The following PTPRN2 variants were observed in gnomAD, a reference collection of about 807,000 sequenced individuals.
PTPRN2 encodes protein tyrosine phosphatase receptor type N2.
Under a neutral mutation model 118.8 loss-of-function variants are expected in PTPRN2, and 74 were observed. The ratio of observed to expected loss-of-function variants is 0.62; its 90% CI spans 0.52 to 0.76. PTPRN2 has a LOEUF of 0.76. Among genes scored for constraint, PTPRN2 ranks in the 30% least tolerant of loss-of-function variants. The pLI, the probability that PTPRN2 is intolerant of heterozygous loss-of-function variation, is 0.00. For missense variants in PTPRN2, 1,481 were observed against 1,394.4 expected (o/e 1.06, Z -0.99); for synonymous variants, 641 against 608.0 (o/e 1.05, Z -0.80).
At chr7:158,304,381 T>C (rs1271479113) in intron 3 of PTPRN2, among the ~76,000 whole-genome samples, 2 of 146,740 alleles carry the variant, frequency 1.4e-5, no homozygotes, top group Non-Finnish European at 3.0e-5. Context: ...TAGGGAGGCA[T>C]AAGACATCCG....
intron 12 of PTPRN2, among the ~76,000 whole-genome samples, chr7:157,778,167 G>A (rs1195435430): frequency 1.3e-5 from 2 of 152,238 alleles, no homozygotes; most frequent in Non-Finnish European, 2.9e-5. Context: ...GCTAGGAAGT[G>A]AGGAAGGCAA....
At chr7:158,206,878 T>C (rs1190189225) in intron 3 of PTPRN2, among the ~76,000 whole-genome samples, 1 of 150,674 alleles carries the variant, frequency 6.6e-6, no homozygotes, top group African/African-American at 2.4e-5. Context: ...TACATACGTA[T>C]ACATGTGCCA....
At chr7:158,449,725 G>A (rs2129437856) in intron 2 of PTPRN2, among the ~76,000 whole-genome samples, 1 of 152,302 alleles carries the variant, frequency 6.6e-6, no homozygotes, top group African/African-American at 2.4e-5. Flanking sequence ...CAGGATGAGT[G>A]GAGAGCATGT....
intron 2 of PTPRN2, among the ~76,000 whole-genome samples, chr7:158,319,472 A>ATG (rs1563131335): frequency 1.2e-4 from 7 of 56,620 alleles, no homozygotes; most frequent in Non-Finnish European, 1.9e-4. Flanking sequence ...TCCCTCACAC[A>ATG]CAAGCACAGC....
rs1800914527 is a variant in PTPRN2, at chr7:157,590,387, A to C, written c.2496+4851T>G. On this transcript the variant is annotated intron_variant, in intron 17 of 22. Coordinates refer to ENST00000389418, the MANE Select transcript of PTPRN2 (RefSeq NM_002847.5). This position sits in a 1 kb window ranked among gnomAD's most constrained non-coding sequence, Gnocchi z 4.0. The stretch of plus-strand genomic sequence containing the variant: ...GGAGTAAGGACCAGGAATTCAGCCG[A>C]ATGATTTGGAGAGCACTCACAGACA... 6.6e-6 allele frequency among the ~76,000 whole-genome samples: 1 copy of C among 152,240 alleles called. No individual in the cohort carries two copies. The highest frequency in any genetic ancestry group is 1.5e-5 in the Non-Finnish European group (1 of 68,034).
At chr7:158,308,177 G>C (rs552584158) in intron 3 of PTPRN2, among the ~76,000 whole-genome samples, 1 of 152,126 alleles carries the variant, frequency 6.6e-6, no homozygotes, top group South Asian at 2.1e-4. Context: ...GACTATGAAG[G>C]CCAAGAGGCA....
chr7:157,693,554 C>G (rs1431691385), intron 12 of PTPRN2, among the ~76,000 whole-genome samples: 2 of 152,098 alleles, frequency 1.3e-5, no homozygotes, highest in Non-Finnish European at 2.9e-5. Flanking sequence ...GGCGGGTCTT[C>G]CCAGCGACCC....
At position 157,950,138 on chromosome 7, in the gene PTPRN2, G is replaced by A. The variant is rs2128799934; in HGVS notation, c.1724-51401C>T. ...TTAAACATTTAATGCCACATGGTGT[G>A]TATATCTCAATGGAAACACTGTTCT... On this transcript the variant is annotated intron_variant, in intron 11 of 22. Coordinates refer to ENST00000389418, the MANE Select transcript of PTPRN2 (RefSeq NM_002847.5). Among the ~76,000 whole-genome samples, 4 of 152,336 alleles carry A rather than the reference G, an allele frequency of 2.6e-5. 1 individual carries two copies. Among genetic ancestry groups the A allele is most frequent in the Admixed American group, 2.6e-4 (4 of 15,306 alleles).
chr7:158,301,151 TTATAC>T (rs1198434589), intron 3 of PTPRN2, among the ~76,000 whole-genome samples: 2 of 152,202 alleles, frequency 1.3e-5, no homozygotes, highest in African/African-American at 4.8e-5. Context: ...AGGAAACATC[TTATAC>T]TATAACTAGT....
rs1006908201 is a variant in PTPRN2, at chr7:157,893,647, T to A, written c.1788+5026A>T. On this transcript the variant is annotated intron_variant, in intron 12 of 22. Coordinates refer to ENST00000389418, the MANE Select transcript of PTPRN2 (RefSeq NM_002847.5). The surrounding 1 kb of genome is among the most constrained non-coding windows in gnomAD (Gnocchi z 4.0). ...AGCCCTGCGTGGCCCACTTTAAGTG[T>A]GAGGCTCCTCTACAGATCTCCCAGG... 1.3e-5 allele frequency among the ~76,000 whole-genome samples: 2 copies of A among 152,042 alleles called. No homozygotes were observed. Among genetic ancestry groups the A allele is most frequent in the African/African-American group, 4.8e-5 (2 of 41,390 alleles).
intron 21 of PTPRN2, among the ~76,000 whole-genome samples, chr7:157,551,150 A>T (rs557843301): frequency 6.6e-6 from 1 of 152,234 alleles, no homozygotes; most frequent in Admixed American, 6.5e-5. Context: ...TATGAAAGTC[A>T]AGTCCCTGCA....
intron 11 of PTPRN2, among the ~76,000 whole-genome samples, chr7:158,026,652 A>G (rs546422087): frequency 2.0e-5 from 3 of 152,320 alleles, no homozygotes; most frequent in East Asian, 1.9e-4. Flanking sequence ...AGGGAGCTGC[A>G]GTGGGCCTGG....
intron 1 of PTPRN2, chr7:158,532,747 A>G (rs745641777): frequency 7.5e-6 from 4 of 534,790 alleles, no homozygotes; most frequent in South Asian, 5.6e-5. Flanking sequence ...ACACCACGGC[A>G]CACTTCAACC....
chr7:158,208,865 T>C lies in PTPRN2; in HGVS notation c.278-3592A>G, dbSNP rs915413996. ...AACTTTTCAGATATAAAGATATAAATAGAAACAACAAAAAGTTAAAAAGTA... is the reference window on the plus strand; with the variant it reads ...AACTTTTCAGATATAAAGATATAAACAGAAACAACAAAAAGTTAAAAAGTA... On this transcript the variant is annotated intron_variant, in intron 3 of 22. Transcript: ENST00000389418. 2.0e-5 allele frequency among the ~76,000 whole-genome samples: 3 copies of C among 152,108 alleles called. No homozygotes were observed. The South Asian group carries it at 6.2e-4, about 32-fold the overall frequency.
intron 21 of PTPRN2, among the ~76,000 whole-genome samples, chr7:157,558,713 G>A (rs939609603): frequency 1.3e-5 from 2 of 152,208 alleles, no homozygotes; most frequent in East Asian, 3.9e-4. Flanking sequence ...TGCTGCTTCC[G>A]GGGGCCTGGC....
At chr7:158,440,382 C>G (rs1018404973) in intron 2 of PTPRN2, among the ~76,000 whole-genome samples, 6 of 152,190 alleles carry the variant, frequency 3.9e-5, no homozygotes, top group Non-Finnish European at 7.3e-5. Context: ...CAGACTTCCT[C>G]AACAACAGTG....
At chr7:158,050,868 G>A (rs996030066) in intron 11 of PTPRN2, among the ~76,000 whole-genome samples, 7 of 152,216 alleles carry the variant, frequency 4.6e-5, no homozygotes, top group South Asian at 2.1e-4. Flanking sequence ...CAGCAGCCCC[G>A]TCTGGGTTCT....
chr7:158,407,154 CCTGGGTCCTGGGTCCT>C (rs1813536989), intron 2 of PTPRN2, among the ~76,000 whole-genome samples: 1 of 123,780 alleles, frequency 8.1e-6, no homozygotes, highest in Admixed American at 8.8e-5. Context: ...CGTCCTGGGT[CCTGGGTCCTGGGTCCT>C]GCGTCCTGCG....
intron 17 of PTPRN2, among the ~76,000 whole-genome samples, chr7:157,580,041 C>T (rs1449951527): frequency 6.6e-6 from 1 of 152,220 alleles, no homozygotes; most frequent in African/African-American, 2.4e-5. Flanking sequence ...AATGCAGAAT[C>T]AGTAAAAATC....
Sources: gnomAD v4.1 joint callset for allele counts (sites outside exome capture counted in the v4.1 genomes callset) on GRCh38, gnomAD v4.1.1 for gene constraint, Gnocchi (gnomAD v3.1) non-coding constraint, MANE v1.5 for transcripts, NCBI Gene and HGNC (gene_info 2026-07-23, HGNC 2026-07-21) for gene names.